The following WNT8A variants were observed in gnomAD, a reference collection of about 807,000 sequenced individuals.
WNT8A encodes protein Wnt-8a.
A neutral mutation model predicts 20.5 loss-of-function variants in WNT8A; 14 were observed. That is an observed-to-expected ratio of 0.68 (90% CI 0.45 to 1.07). The LOEUF is 1.07. Among genes scored for constraint, WNT8A ranks in the 50% least tolerant of loss-of-function variants. The probability of loss-of-function intolerance (pLI) is 0.00; values close to 1 mark genes in which losing one functional copy is unlikely to be tolerated. For missense variants in WNT8A, 397 were observed against 462.9 expected (o/e 0.86, Z 1.31); for synonymous variants, 167 against 169.2 (o/e 0.99, Z 0.10).
At chr5:138,082,686 C>T (rs966994061), upstream of WNT8A, among the ~76,000 whole-genome samples, 6 of 151,380 alleles carry the variant, frequency 4.0e-5, no homozygotes, top group East Asian at 2.0e-4. Flanking sequence ...GAGACCATCC[C>T]GGCCAACATG....
rs368487656 is a variant in WNT8A at position 138,091,097 on chromosome 5, G to C, written c.*24G>C. 65 of 1,595,030 alleles carry C rather than the reference G, an allele frequency of 4.1e-5. 1 individual carries two copies. The African/African-American group carries it at 6.7e-4, about 16-fold the overall frequency. ...GATAATACCCCACACAAGTTCACTTGATTAATTGCATCAGTGGAAGGGGAC... is the reference window on the plus strand; with the variant it reads ...GATAATACCCCACACAAGTTCACTTCATTAATTGCATCAGTGGAAGGGGAC... On this transcript the variant is annotated 3_prime_UTR_variant, in exon 5 of 5. Transcript: ENST00000506684.
In WNT8A at chr5:138,091,208, G is replaced by A. The variant is rs982624344; in HGVS notation, c.*135G>A. The A allele has an allele frequency of 7.8e-5, 121 of 1,542,108 alleles. 1 individual carries two copies. The highest frequency in any genetic ancestry group is 1.9e-5 in the Non-Finnish European group (22 of 1,156,292). ...GTAGTCCTCATGATATCTGCTATCAGTGGGGAAAATGGAGGCCCAAGATTC... is the reference window on the plus strand; with the variant it reads ...GTAGTCCTCATGATATCTGCTATCAATGGGGAAAATGGAGGCCCAAGATTC... On this transcript the variant is annotated 3_prime_UTR_variant, in exon 5 of 5. Coordinates refer to ENST00000506684, the MANE Select transcript of WNT8A (RefSeq NM_001300939.2).
At chr5:138,089,165 A>G (rs1469911859) in intron 4 of WNT8A, 96 bp downstream of exon 4, 1 of 1,495,060 alleles carries the variant, frequency 6.7e-7, no homozygotes, top group Non-Finnish European at 9.0e-7. Context: ...CTTTCCTCAT[A>G]CTACCCAGCC....
In WNT8A at chr5:138,090,646, C is replaced by T. The variant is rs747125686; in HGVS notation, c.683C>T (p.Ala228Val). The T allele has an allele frequency of 1.9e-6, 3 of 1,614,192 alleles. No homozygotes were observed. Among genetic ancestry groups the T allele is most frequent in the Non-Finnish European group, 2.5e-6 (3 of 1,180,042 alleles). Reference sequence around the variant, plus strand: ...CGGGAGATGGGAGACTACCTAAAGGCCAAGTATGACCAGGCGCTGAAAATT... The same window carrying T: ...CGGGAGATGGGAGACTACCTAAAGGTCAAGTATGACCAGGCGCTGAAAATT... ...EFREMGDYLKAKYDQALKIEM... is the reference protein window; with the variant it reads ...EFREMGDYLKVKYDQALKIEM... The change falls in exon 5 of 5, where the codon GCC (alanine) becomes GTC (valine). Residue 228 changes from alanine to valine, a missense_variant. Ala to Val is a moderately conservative substitution (Grantham distance 64). Coordinates refer to ENST00000506684, the MANE Select transcript of WNT8A (RefSeq NM_001300939.2).
At chr5:138,082,609 G>C (rs1047633699), upstream of WNT8A, among the ~76,000 whole-genome samples, 4 of 151,966 alleles carry the variant, frequency 2.6e-5, no homozygotes, top group Non-Finnish European at 5.9e-5. Context: ...GCTGGGTATG[G>C]TGGCTCACGC....
chr5:138,090,017 T>C (rs1024640645), intron 4 of WNT8A, among the ~76,000 whole-genome samples: 1 of 152,124 alleles, frequency 6.6e-6, no homozygotes, highest in African/African-American at 2.4e-5. Flanking sequence ...CTTGGGGGTA[T>C]AAGTGTTCAG....
At chr5:138,090,249 G>A (rs889648945) in intron 4 of WNT8A, among the ~76,000 whole-genome samples, 2 of 152,182 alleles carry the variant, frequency 1.3e-5, no homozygotes, top group Admixed American at 1.3e-4. Context: ...TGGAGCAGAG[G>A]TTTCTGGACT....
chr5:138,084,475 CA>C, intron 1 of WNT8A, 22 bp from the exon 2 acceptor site: 1 of 1,584,186 alleles, frequency 6.3e-7, no homozygotes, highest in South Asian at 1.2e-5. Context: ...GGCAGAAGCT[CA>C]CAGCCCTTTT....
At chr5:138,078,991 G>T (rs900777250), upstream of WNT8A, among the ~76,000 whole-genome samples, 1 of 151,972 alleles carries the variant, frequency 6.6e-6, no homozygotes, top group African/African-American at 2.4e-5. Flanking sequence ...ATCTATTTAC[G>T]TGTTCTACCT....
In WNT8A at chr5:138,089,086, T is replaced by G; in HGVS notation, c.564+17T>G. On this transcript the variant is annotated intron_variant, in intron 4 of 4. Transcript: ENST00000506684. ...GGCAGACTGGTGGGTATAGGCATTG[T>G]GGCCAGTATTTCTACAGCTTCACAT... 1 of 1,610,012 alleles carries G rather than the reference T, an allele frequency of 6.2e-7. No homozygotes were observed. The highest frequency in any genetic ancestry group is 1.1e-5 in the South Asian group (1 of 90,492).
chr5:138,085,979 AGT>A (rs1750649864), intron 2 of WNT8A, among the ~76,000 whole-genome samples: 2 of 152,050 alleles, frequency 1.3e-5, no homozygotes, highest in African/African-American at 4.8e-5. Context: ...GTAAGATAAG[AGT>A]TCAGTAGGTG....
In WNT8A at chr5:138,084,568, T is replaced by C; in HGVS notation, c.227T>C (p.Phe76Ser). ...QSGIEECKFQ[F>S]AWERWNCPEN... ...GGCATCGAGGAGTGCAAGTTCCAGT[T>C]TGCTTGGGAACGCTGGAACTGCCCT... Residue 76 changes from phenylalanine to serine, a missense_variant, in exon 2 of 5, where the codon TTT (phenylalanine) becomes TCT (serine). Transcript: ENST00000506684. The C allele has an allele frequency of 6.2e-7, 1 of 1,613,888 alleles. No individual in the cohort carries two copies. Among genetic ancestry groups the C allele is most frequent in the Non-Finnish European group, 8.5e-7 (1 of 1,179,900 alleles).
intron 4 of WNT8A, among the ~76,000 whole-genome samples, chr5:138,090,295 C>T (rs1750802626): frequency 6.6e-6 from 1 of 152,206 alleles, no homozygotes. Context: ...GGCTCTCCAT[C>T]AGAATCACCC....
chr5:138,089,093 T>G (rs1581361976), intron 4 of WNT8A, 24 bp downstream of exon 4: 1 of 1,607,354 alleles, frequency 6.2e-7, no homozygotes, highest in Non-Finnish European at 8.5e-7. Context: ...TTGTGGCCAG[T>G]ATTTCTACAG....
chr5:138,089,900 G>A lies in WNT8A; in HGVS notation c.565-628G>A, dbSNP rs547631197. On this transcript the variant is annotated intron_variant, in intron 4 of 4. Coordinates refer to ENST00000506684, the MANE Select transcript of WNT8A (RefSeq NM_001300939.2). ...TGGTCTTGGCCTCCTGGGCTCAAGCGATCCTCTTGCCTCAGCCTCCCAACG... is the reference window on the plus strand; with the variant it reads ...TGGTCTTGGCCTCCTGGGCTCAAGCAATCCTCTTGCCTCAGCCTCCCAACG... 1.6e-4 allele frequency among the ~76,000 whole-genome samples: 25 copies of A among 152,264 alleles called. No individual in the cohort carries two copies. In the South Asian group the frequency reaches 1.7e-3, roughly 10 times the overall value.
intron 3 of WNT8A, 119 bp downstream of exon 3, chr5:138,088,050 C>G (rs1036565267): frequency 7.6e-5 from 108 of 1,412,926 alleles, no homozygotes; most frequent in Non-Finnish European, 9.5e-5. Context: ...AAGACTCCAG[C>G]AACTCCTTCA....
chr5:138,084,686 G>C (rs776266153), intron 2 of WNT8A, 50 bp downstream of exon 2: 2 of 1,548,320 alleles, frequency 1.3e-6, no homozygotes, highest in African/African-American at 2.7e-5. Flanking sequence ...TGTGAATGGA[G>C]TGGGGCTTGC....
At chr5:138,091,595 C>A, downstream of WNT8A, 1 of 936,570 alleles carries the variant, frequency 1.1e-6, no homozygotes, top group Non-Finnish European at 1.4e-6. Flanking sequence ...GATTTTTTAT[C>A]CCCCAAGTAT....
In WNT8A at chr5:138,089,083, T is replaced by C. The variant is rs1370821564; in HGVS notation, c.564+14T>C. On this transcript the variant is annotated intron_variant, in intron 4 of 4. Transcript: ENST00000506684. The stretch of plus-strand genomic sequence containing the variant: ...GCCGGCAGACTGGTGGGTATAGGCA[T>C]TGTGGCCAGTATTTCTACAGCTTCA... The C allele has an allele frequency of 6.2e-7, 1 of 1,610,686 alleles. No individual in the cohort carries two copies. Among genetic ancestry groups the C allele is most frequent in the East Asian group, 2.2e-5 (1 of 44,828 alleles).
Sources: gnomAD v4.1 joint callset for allele counts (sites outside exome capture counted in the v4.1 genomes callset) on GRCh38, gnomAD v4.1.1 for gene constraint, MANE v1.5 for transcripts, NCBI Gene and HGNC (gene_info 2026-07-23, HGNC 2026-07-21) for gene names.